The following CHRM3 variants were observed in gnomAD, a reference collection of about 807,000 sequenced individuals.
CHRM3 encodes cholinergic receptor muscarinic 3.
Under a neutral mutation model 41.8 loss-of-function variants are expected in CHRM3, and 11 were observed. The observed-to-expected ratio is 0.26, with a 90% confidence interval of 0.17 to 0.44. The LOEUF is 0.44. Among genes scored for constraint, CHRM3 ranks in the 20% least tolerant of loss-of-function variants. CHRM3 has a pLI of 1.00. For synonymous variants in CHRM3, 297 were observed against 301.4 expected, an observed-to-expected ratio of 0.99 and a Z score of 0.15; for missense variants, 571 against 745.4, an observed-to-expected ratio of 0.77 and a Z score of 2.72.
chr1:239,396,612 T>G (rs1262876211), intron 1 of CHRM3, among the ~76,000 whole-genome samples: 1 of 152,110 alleles, frequency 6.6e-6, no homozygotes, highest in Admixed American at 6.6e-5. Context: ...AGATCCAGTC[T>G]CGAAAAGAGT....
chr1:239,650,259 C>T (rs772443085), intron 4 of CHRM3, among the ~76,000 whole-genome samples: 5 of 152,148 alleles, frequency 3.3e-5, no homozygotes, highest in Non-Finnish European at 5.9e-5. Flanking sequence ...CAATGAATGA[C>T]GATACTGTAA....
chr1:239,760,266 G>A (rs945665219), intron 5 of CHRM3, among the ~76,000 whole-genome samples: 18 of 151,882 alleles, frequency 1.2e-4, no homozygotes, highest in African/African-American at 3.9e-4. Flanking sequence ...TTTTTCTCTC[G>A]AGAATTTGTC....
chr1:239,482,695 G>T (rs1414339170), intron 1 of CHRM3, among the ~76,000 whole-genome samples: 1 of 152,054 alleles, frequency 6.6e-6, no homozygotes, highest in Non-Finnish European at 1.5e-5. Context: ...TGGCTGGTTT[G>T]TCTATGTTCT....
At chr1:239,637,451 G>T (rs1463448997) in intron 4 of CHRM3, among the ~76,000 whole-genome samples, 10 of 146,366 alleles carry the variant, frequency 6.8e-5, no homozygotes. Context: ...GAAATTCCTT[G>T]ATCAAATGGT....
At position 239,804,329 on chromosome 1, in the gene CHRM3, G is replaced by T. The variant is rs923781698; in HGVS notation, c.-146-22923G>T. On this transcript the variant is annotated intron_variant, in intron 5 of 6. Coordinates refer to ENST00000676153, the MANE Select transcript of CHRM3 (RefSeq NM_001375978.1). Reference sequence around the variant, plus strand: ...CAGTTCATCCCATTGTATCCTCAAAGGTCATTCATTGTGTTTTTTTTTTAT... The same window carrying T: ...CAGTTCATCCCATTGTATCCTCAAATGTCATTCATTGTGTTTTTTTTTTAT... Among the ~76,000 whole-genome samples the T allele has an allele frequency of 4.9e-5, 6 of 121,866 alleles. No individual in the cohort carries two copies. The East Asian group carries it at 1.6e-3, about 32-fold the overall frequency. The allele number at this position is 121,866 out of a possible 152,430, so 79.9% of individuals were successfully genotyped here.
In CHRM3 at chr1:239,562,888, C is replaced by CATA. The variant is rs1553327970; in HGVS notation, c.-313+17140_-313+17141insTAA. ...GGGCAAAAGAGTGAAACTCTGTCTCCAAAAAAAAAAAAAAAAAAAAGGTGT... is the reference window on the plus strand; with the variant it reads ...GGGCAAAAGAGTGAAACTCTGTCTCCATAAAAAAAAAAAAAAAAAAAAAGGTGT... On this transcript the variant is annotated intron_variant, in intron 3 of 6. Transcript: ENST00000676153. 7.8e-5 allele frequency among the ~76,000 whole-genome samples: 4 copies of CATA among 51,248 alleles called. No homozygotes were observed. In the East Asian group the frequency reaches 2.5e-3, roughly 32 times the overall value. The allele number at this position is 51,248 out of a possible 152,430, so 33.6% of individuals were successfully genotyped here.
chr1:239,831,851 T>C (rs1672919625), intron 6 of CHRM3, among the ~76,000 whole-genome samples: 1 of 152,222 alleles, frequency 6.6e-6, no homozygotes, highest in Non-Finnish European at 1.5e-5. Context: ...CTGAGTGTTT[T>C]ATCAGGAATT....
intron 5 of CHRM3, among the ~76,000 whole-genome samples, chr1:239,806,102 C>A (rs558585858): frequency 1.3e-5 from 2 of 152,316 alleles, no homozygotes; most frequent in East Asian, 1.9e-4. Context: ...CCACTCCTGG[C>A]TGAAAATCCC....
intron 6 of CHRM3, among the ~76,000 whole-genome samples, chr1:239,830,465 A>G (rs1361838207): frequency 6.6e-6 from 1 of 152,172 alleles, no homozygotes; most frequent in African/African-American, 2.4e-5. Context: ...GCACTTTGGG[A>G]GGCCGAGGCG....
intron 5 of CHRM3, among the ~76,000 whole-genome samples, chr1:239,749,274 C>T (rs1007628501): frequency 2.0e-5 from 3 of 152,010 alleles, no homozygotes; most frequent in African/African-American, 7.2e-5. Context: ...TGACTTTGTT[C>T]GGGCCACTAT....
At chr1:239,719,202 A>T (rs1377915672) in intron 5 of CHRM3, 1 of 152,030 alleles carries the variant, frequency 6.6e-6, no homozygotes, top group Non-Finnish European at 1.5e-5. Context: ...ATTGGTAATC[A>T]GATCTACTGG....
chr1:239,636,589 A>C (rs1232988800), intron 4 of CHRM3, among the ~76,000 whole-genome samples: 2 of 152,182 alleles, frequency 1.3e-5, no homozygotes, highest in Non-Finnish European at 2.9e-5. Context: ...GCTGTTTGTA[A>C]AATATTTACA....
chr1:239,470,835 C>T (rs1171214082), intron 1 of CHRM3, among the ~76,000 whole-genome samples: 3 of 152,122 alleles, frequency 2.0e-5, no homozygotes, highest in East Asian at 3.8e-4. Context: ...CAAATTGCAC[C>T]TTCCCAATAA....
At chr1:239,874,326 T>TATAC (rs1327295792) in intron 6 of CHRM3, among the ~76,000 whole-genome samples, 59 of 121,988 alleles carry the variant, frequency 4.8e-4, no homozygotes, top group Middle Eastern at 4.7e-3. Context: ...TATATATATA[T>TATAC]ACACAGTTGA....
At chr1:239,886,992 G>A (rs951524274) in intron 6 of CHRM3, among the ~76,000 whole-genome samples, 2 of 152,114 alleles carry the variant, frequency 1.3e-5, no homozygotes, top group African/African-American at 4.8e-5. Context: ...TATTTGTCCT[G>A]ATTTGTCTCT....
rs143978602 is a variant in CHRM3 at position 239,571,682 on chromosome 1, G to A, written c.-313+25933G>A. Among the ~76,000 whole-genome samples, 391 of 152,180 alleles carry A rather than the reference G, an allele frequency of 2.6e-3. 7 individuals carry two copies. Among genetic ancestry groups the A allele is most frequent in the Admixed American group, 0.021 (316 of 15,278 alleles). On this transcript the variant is annotated intron_variant, in intron 3 of 6. Transcript: ENST00000676153. Reference sequence around the variant, plus strand: ...ATCTTTTATTCTCACAGTGATCTCCGTCTCCTGCACGTCATTACACTCTCG... The same window carrying A: ...ATCTTTTATTCTCACAGTGATCTCCATCTCCTGCACGTCATTACACTCTCG...
intron 2 of CHRM3, among the ~76,000 whole-genome samples, chr1:239,514,927 A>C (rs1050396921): frequency 6.6e-6 from 1 of 152,116 alleles, no homozygotes; most frequent in African/African-American, 2.4e-5. Context: ...GACTCTCTCA[A>C]TGCATCATGT....
intron 5 of CHRM3, among the ~76,000 whole-genome samples, chr1:239,709,986 G>T (rs1215674100): frequency 6.6e-6 from 1 of 152,134 alleles, no homozygotes; most frequent in Non-Finnish European, 1.5e-5. Context: ...TAACTCTGCA[G>T]TCCTCCTCCA....
chr1:239,665,241 C>T lies in CHRM3; in HGVS notation c.-249-12945C>T, dbSNP rs190433810. On this transcript the variant is annotated intron_variant, in intron 4 of 6. Transcript: ENST00000676153. ...TTAACTCATTCAAAAAGACGTTGAG[C>T]GCCTGCTGTATGCCCAGTGCCGCTT... Among the ~76,000 whole-genome samples the T allele has an allele frequency of 4.0e-5, 6 of 151,572 alleles. No homozygotes were observed. The East Asian group carries it at 5.8e-4, about 15-fold the overall frequency.
Sources: gnomAD v4.1 joint callset for allele counts (sites outside exome capture counted in the v4.1 genomes callset) on GRCh38, gnomAD v4.1.1 for gene constraint, MANE v1.5 for transcripts, NCBI Gene and HGNC (gene_info 2026-07-23, HGNC 2026-07-21) for gene names.